The following BCL2L13 variants were observed in gnomAD, a reference collection of about 807,000 sequenced individuals.
The protein encoded by BCL2L13 is bcl-2-like protein 13.
In BCL2L13, 13 loss-of-function variants were observed where a neutral mutation model predicts 25.8. The observed-to-expected ratio is 0.50, with a 90% CI of 0.33 to 0.80. The LOEUF is 0.80. BCL2L13 is among the 30% of genes least tolerant of loss of function. The probability of loss-of-function intolerance (pLI) is 0.02; values close to 1 mark genes in which losing one functional copy is unlikely to be tolerated. For synonymous variants in BCL2L13, 244 were observed against 230.3 expected (o/e 1.06, Z -0.54); for missense variants, 504 against 574.9 (o/e 0.88, Z 1.26).
At chr22:17,660,859 A>G (rs938296293) in intron 2 of BCL2L13, among the ~76,000 whole-genome samples, 9 of 146,254 alleles carry the variant, frequency 6.2e-5, no homozygotes, top group African/African-American at 2.2e-4. Flanking sequence ...ATCTTGGCTC[A>G]TTGCAACCTC....
chr22:17,667,166 G>A (rs150943985), intron 2 of BCL2L13, among the ~76,000 whole-genome samples: 2,900 of 152,120 alleles, frequency 0.019, 83 homozygotes, highest in African/African-American at 0.067. Flanking sequence ...TGGGATTGCT[G>A]GATCATATGG....
Position 17,633,272 on chromosome 22 carries a change from C to T in BCL2L13, c.-650+4267C>T, listed in dbSNP as rs58134378. 8.4e-3 allele frequency among the ~76,000 whole-genome samples: 1,286 copies of T among 152,226 alleles called. 15 individuals carry two copies. The highest frequency in any genetic ancestry group is 0.028 in the African/African-American group (1,179 of 41,554). ...TAGTTTCTCTTTAAAACTCAATTTT[C>T]TTCAGTTTTGCTGATTCACCAAGGA... On this transcript the variant is annotated intron_variant, in intron 1 of 6. Transcript: ENST00000399782.
intron 2 of BCL2L13, among the ~76,000 whole-genome samples, chr22:17,659,814 A>G (rs1601553847): frequency 6.8e-6 from 1 of 146,288 alleles, no homozygotes; most frequent in East Asian, 1.9e-4. Context: ...AATCCCTTAG[A>G]TATCTTCATT....
At chr22:17,649,046 C>T (rs2058588260) in intron 1 of BCL2L13, among the ~76,000 whole-genome samples, 1 of 152,076 alleles carries the variant, frequency 6.6e-6, no homozygotes, top group Non-Finnish European at 1.5e-5. Context: ...AGCTTGCTTC[C>T]TGCCTCAGCC....
At chr22:17,666,387 T>G (rs1226293627) in intron 2 of BCL2L13, among the ~76,000 whole-genome samples, 1 of 152,136 alleles carries the variant, frequency 6.6e-6, no homozygotes, top group Non-Finnish European at 1.5e-5. Context: ...TTAAGTTATT[T>G]TAAAATGTAC....
At chr22:17,690,455 G>T (rs1407242656) in intron 4 of BCL2L13, among the ~76,000 whole-genome samples, 1 of 152,138 alleles carries the variant, frequency 6.6e-6, no homozygotes, top group African/African-American at 2.4e-5. Context: ...ATGAGCAAAT[G>T]TAAAAATACT....
chr22:17,680,545 A>AAAAAAAAAAAAC, intron 2 of BCL2L13, among the ~76,000 whole-genome samples: 1 of 137,906 alleles, frequency 7.3e-6, no homozygotes. Flanking sequence ...AAAAAAAGAA[A>AAAAAAAAAAAAC]AAAAGACTCA....
intron 3 of BCL2L13, among the ~76,000 whole-genome samples, chr22:17,685,481 C>T (rs1308474866): frequency 2.0e-5 from 3 of 152,134 alleles, no homozygotes; most frequent in Non-Finnish European, 4.4e-5. Flanking sequence ...GTCTCGGCCT[C>T]CCAGAGTGCT....
At chr22:17,708,902 CT>C (rs1248717499) in intron 6 of BCL2L13, among the ~76,000 whole-genome samples, 95 of 152,246 alleles carry the variant, frequency 6.2e-4, no homozygotes, top group Non-Finnish European at 4.1e-4. Context: ...AGCTCTTTTT[CT>C]TTTAGTGAAA....
In BCL2L13 at chr22:17,730,307, C is replaced by A. The variant is rs948119924; in HGVS notation, c.*2773C>A. On this transcript the variant is annotated 3_prime_UTR_variant, in exon 7 of 7. Transcript: ENST00000317582. Reference sequence around the variant, plus strand: ...CTAGATGAAGAAATGCAACTGTTGACCTTCTGGTTCACCCATCTCCCCCTC... The same window carrying A: ...CTAGATGAAGAAATGCAACTGTTGAACTTCTGGTTCACCCATCTCCCCCTC... The A allele has an allele frequency of 2.6e-5, 4 of 152,174 alleles. No individual in the cohort carries two copies. Among genetic ancestry groups the A allele is most frequent in the African/African-American group, 9.7e-5 (4 of 41,408 alleles). The allele number at this position is 152,174 out of a possible 1,614,324, so 9.4% of individuals were successfully genotyped here.
At position 17,631,687 on chromosome 22, in the gene BCL2L13, TATATATATATATATATATA is replaced by T. The variant is rs1416368242; in HGVS notation, c.-650+2683_-650+2701del. 2.0e-4 allele frequency among the ~76,000 whole-genome samples: 12 copies of T among 61,352 alleles called. No homozygotes were observed. In the East Asian group the frequency reaches 5.1e-3, roughly 26 times the overall value. 40.2% of individuals were successfully genotyped at this position (61,352 alleles called of 152,430 possible). On this transcript the variant is annotated intron_variant, in intron 1 of 6. Transcript: ENST00000399782. The stretch of plus-strand genomic sequence containing the variant: ...GTGTGTGTGTATATATATATATATA[TATATATATATATATATATA>T]TTTTTTTTTTTTTTTTTTTTTTTTT...
At chr22:17,647,121 C>A (rs1195672253) in intron 1 of BCL2L13, among the ~76,000 whole-genome samples, 1 of 151,216 alleles carries the variant, frequency 6.6e-6, no homozygotes, top group African/African-American at 2.4e-5. Context: ...CTACAGGCAC[C>A]TGCCACCACG....
chr22:17,640,701 TA>T (rs572383716), intron 1 of BCL2L13, among the ~76,000 whole-genome samples: 177 of 140,922 alleles, frequency 1.3e-3, no homozygotes, highest in Middle Eastern at 3.8e-3. Flanking sequence ...CACAAAAAAT[TA>T]AAAAAAAAAA....
Position 17,686,805 on chromosome 22 carries a change from G to A in BCL2L13, c.230-2181G>A, listed in dbSNP as rs190137808. Among the ~76,000 whole-genome samples the A allele has an allele frequency of 1.5e-4, 23 of 152,198 alleles. No homozygotes were observed. In the East Asian group the frequency reaches 3.9e-3, roughly 26 times the overall value. ...ATTACCGGTGTGAAACACTGTGCCC[G>A]ACCATTATATTTCTTTATCAACATT... On this transcript the variant is annotated intron_variant, in intron 3 of 6. Transcript: ENST00000317582.
chr22:17,640,158 C>CT (rs1420189730), intron 1 of BCL2L13, among the ~76,000 whole-genome samples: 1 of 150,510 alleles, frequency 6.6e-6, no homozygotes, highest in Non-Finnish European at 1.5e-5. Flanking sequence ...ACGGTGATAC[C>CT]TTTTTTTCAA....
intron 6 of BCL2L13, among the ~76,000 whole-genome samples, chr22:17,722,378 GGTGTGTGT>G (rs71315401): frequency 2.5e-5 from 3 of 122,062 alleles, no homozygotes; most frequent in Admixed American, 7.5e-5. Flanking sequence ...AGACTACAGG[GGTGTGTGT>G]GTGTGTGTGT....
chr22:17,639,729 A>G (rs1400351598), intron 1 of BCL2L13, among the ~76,000 whole-genome samples: 1 of 152,228 alleles, frequency 6.6e-6, no homozygotes, highest in Non-Finnish European at 1.5e-5. Context: ...TGCGTAAAAC[A>G]AAACAAAAAC....
intron 6 of BCL2L13, among the ~76,000 whole-genome samples, chr22:17,709,185 A>G (rs2535711): frequency 0.86 from 130,390 of 151,326 alleles, 56,342 homozygotes; most frequent in East Asian, 0.94. Context: ...GCAGTGAGCC[A>G]AGACTGCGCC....
At chr22:17,717,237 G>T (rs1177759745) in intron 6 of BCL2L13, among the ~76,000 whole-genome samples, 1 of 152,102 alleles carries the variant, frequency 6.6e-6, no homozygotes, top group East Asian at 1.9e-4. Context: ...GGAGGCTGAG[G>T]TGGGTGGATC....
Sources: gnomAD v4.1 joint callset for allele counts (sites outside exome capture counted in the v4.1 genomes callset) on GRCh38, gnomAD v4.1.1 for gene constraint, MANE v1.5 for transcripts, NCBI Gene and HGNC (gene_info 2026-07-23, HGNC 2026-07-21) for gene names.